Variants in PAPPA2 observed in about 807,000 individuals in gnomAD.
PAPPA2 encodes the protein pappalysin-2.
A neutral mutation model predicts 176.4 loss-of-function variants in PAPPA2; 86 were observed. The ratio of observed to expected loss-of-function variants is 0.49; its 90% confidence interval spans 0.41 to 0.58. PAPPA2 has a LOEUF of 0.58. Among genes scored for constraint, PAPPA2 ranks in the 20% least tolerant of loss-of-function variants. PAPPA2 has a pLI of 0.00. For synonymous variants in PAPPA2, 809 were observed against 852.2 expected (o/e 0.95, Z 0.88); for missense variants, 2,073 against 2,256.9 (o/e 0.92, Z 1.65).
intron 1 of PAPPA2, among the ~76,000 whole-genome samples, chr1:176,533,184 G>A (rs1649906138): frequency 6.6e-6 from 1 of 152,214 alleles, no homozygotes; most frequent in Non-Finnish European, 1.5e-5. Flanking sequence ...CCTCTTCAGG[G>A]GTGAACTTTG....
chr1:176,652,189 G>C (rs1657767205), intron 3 of PAPPA2, among the ~76,000 whole-genome samples: 1 of 151,336 alleles, frequency 6.6e-6, no homozygotes, highest in Non-Finnish European at 1.5e-5. Context: ...CGGGGCAGGG[G>C]GATCCTGGTT....
chr1:176,619,953 G>A (rs1351606923), intron 3 of PAPPA2, among the ~76,000 whole-genome samples: 1 of 152,172 alleles, frequency 6.6e-6, no homozygotes, highest in African/African-American at 2.4e-5. Flanking sequence ...TGGATTGGGA[G>A]GTAGATGTCT....
At chr1:176,803,484 T>A (rs1464673573) in intron 21 of PAPPA2, among the ~76,000 whole-genome samples, 1 of 152,144 alleles carries the variant, frequency 6.6e-6, no homozygotes, top group Non-Finnish European at 1.5e-5. Context: ...GTCATACCAA[T>A]AAAGACCAAC....
chr1:176,668,054 C>T (rs1237611929), intron 3 of PAPPA2, among the ~76,000 whole-genome samples: 1 of 152,092 alleles, frequency 6.6e-6, no homozygotes, highest in Non-Finnish European at 1.5e-5. Context: ...CTGGCAATGG[C>T]TAATCCCAAA....
intron 5 of PAPPA2, among the ~76,000 whole-genome samples, chr1:176,691,798 T>C (rs1305735434): frequency 6.6e-6 from 1 of 152,182 alleles, no homozygotes; most frequent in East Asian, 1.9e-4. Context: ...CGTTCACAAG[T>C]GAAAAGGCCA....
intron 14 of PAPPA2, among the ~76,000 whole-genome samples, chr1:176,760,040 CAT>C (rs1663628518): frequency 6.6e-6 from 1 of 152,064 alleles, no homozygotes; most frequent in South Asian, 2.1e-4. Context: ...TATTTTTATC[CAT>C]GTTTTGAGAT....
chr1:176,816,020 T>G (rs1666366817), intron 21 of PAPPA2, among the ~76,000 whole-genome samples: 1 of 151,402 alleles, frequency 6.6e-6, no homozygotes, highest in Non-Finnish European at 1.5e-5. Flanking sequence ...GGAAGGTATG[T>G]GGCTTCTTAT....
chr1:176,626,797 T>A (rs1464407609), intron 3 of PAPPA2, among the ~76,000 whole-genome samples: 1 of 152,000 alleles, frequency 6.6e-6, no homozygotes, highest in Non-Finnish European at 1.5e-5. Context: ...GAAATCTCAC[T>A]ACCTTTTTGG....
intron 21 of PAPPA2, among the ~76,000 whole-genome samples, chr1:176,835,770 G>A (rs1365370930): frequency 6.6e-6 from 1 of 151,966 alleles, no homozygotes; most frequent in Non-Finnish European, 1.5e-5. Context: ...CACCCGCCTC[G>A]GCCTCCCAAA....
At chr1:176,683,815 G>A (rs548631472) in intron 4 of PAPPA2, among the ~76,000 whole-genome samples, 1 of 152,184 alleles carries the variant, frequency 6.6e-6, no homozygotes, top group East Asian at 1.9e-4. Context: ...ACCATAATGA[G>A]GCAAGATCCC....
Position 176,818,078 on chromosome 1 carries a change from T to G in PAPPA2, c.5202+17946T>G, listed in dbSNP as rs563130647. Among the ~76,000 whole-genome samples, 7 of 152,218 alleles carry G rather than the reference T, an allele frequency of 4.6e-5. No homozygotes were observed. In the East Asian group the frequency reaches 1.4e-3, roughly 29 times the overall value. ...AAGGAGTGGTCTTAGGAAACCCATT[T>G]AAGAAGGGAGGCCTAAGGGAAAAAG... On this transcript the variant is annotated intron_variant, in intron 21 of 22. Transcript: ENST00000367662.
chr1:176,532,599 G>C (rs1280052711), intron 1 of PAPPA2, among the ~76,000 whole-genome samples: 2 of 152,086 alleles, frequency 1.3e-5, no homozygotes, highest in Non-Finnish European at 2.9e-5. Context: ...ACCCTTCCTG[G>C]GTACTCACCT....
intron 1 of PAPPA2, among the ~76,000 whole-genome samples, chr1:176,496,166 T>G (rs1403609396): frequency 6.6e-6 from 1 of 152,214 alleles, no homozygotes; most frequent in Non-Finnish European, 1.5e-5. Context: ...TATGTATACA[T>G]GTGCCATGTT....
At chr1:176,780,011 T>C (rs1201611115) in intron 17 of PAPPA2, among the ~76,000 whole-genome samples, 1 of 152,260 alleles carries the variant, frequency 6.6e-6, no homozygotes, top group African/African-American at 2.4e-5. Context: ...CCTGTGTATA[T>C]TCCAGGTCCT....
chr1:176,663,532 A>T (rs965842130), intron 3 of PAPPA2, among the ~76,000 whole-genome samples: 10 of 152,150 alleles, frequency 6.6e-5, no homozygotes, highest in Non-Finnish European at 1.5e-4. Flanking sequence ...ATTTATGAAG[A>T]TGTTATCCAT....
intron 3 of PAPPA2, chr1:176,616,136 G>A (rs1193427866): frequency 7.8e-6 from 2 of 254,908 alleles, no homozygotes; most frequent in East Asian, 9.6e-5. Flanking sequence ...TTGCAGCCTG[G>A]TAAAACTGCC....
intron 14 of PAPPA2, among the ~76,000 whole-genome samples, chr1:176,764,982 G>T (rs1429157118): frequency 6.6e-6 from 1 of 152,210 alleles, no homozygotes; most frequent in African/African-American, 2.4e-5. Context: ...CTGCTGAGAG[G>T]ATGTCTGTGG....
At chr1:176,595,646 T>C in intron 3 of PAPPA2, 51 bp downstream of exon 3, 2 of 1,523,010 alleles carry the variant, frequency 1.3e-6, no homozygotes, top group East Asian at 2.3e-5. Context: ...ATTTCTAACA[T>C]CATTTTATCT....
intron 3 of PAPPA2, among the ~76,000 whole-genome samples, chr1:176,635,948 C>CA (rs1656675977): frequency 6.6e-6 from 1 of 152,120 alleles, no homozygotes; most frequent in South Asian, 2.1e-4. Context: ...CTGACATTGT[C>CA]AAGAATGAAT....
Sources: allele counts gnomAD v4.1 joint callset (sites outside exome capture counted in the v4.1 genomes callset), GRCh38; gene constraint gnomAD v4.1.1; transcripts MANE v1.5; gene names NCBI Gene and HGNC (gene_info 2026-07-23, HGNC 2026-07-21).